BIN3: variants seen among roughly 807,000 people sequenced by gnomAD.
BIN3 encodes the protein bridging integrator 3.
Under a neutral mutation model 38.2 loss-of-function variants are expected in BIN3, and 41 were observed. The ratio of observed to expected loss-of-function variants is 1.07; its 90% confidence interval spans 0.84 to 1.39. The LOEUF is 1.39. Among genes scored for constraint, BIN3 ranks in the 40% most tolerant of loss-of-function variants. The pLI is 0.00. For missense variants in BIN3, 361 were observed against 324.3 expected (o/e 1.11, Z -0.87); for synonymous variants, 145 against 122.6 (o/e 1.18, Z -1.21).
intron 1 of BIN3, among the ~76,000 whole-genome samples, chr8:22,663,956 C>A (rs989936584): frequency 6.6e-6 from 1 of 152,338 alleles, no homozygotes. Flanking sequence ...CATACACCGG[C>A]TGAAGATAGA....
chr8:22,644,734 C>A (rs769023708), intron 2 of BIN3, 21 bp downstream of exon 2: 25 of 1,608,640 alleles, frequency 1.6e-5, no homozygotes, highest in Non-Finnish European at 2.1e-5. Flanking sequence ...AATCTCACAG[C>A]AAAACAATCG....
chr8:22,652,941 G>A (rs1802948844), intron 1 of BIN3, among the ~76,000 whole-genome samples: 1 of 152,132 alleles, frequency 6.6e-6, no homozygotes, highest in Admixed American at 6.5e-5. Context: ...CCTCTGGTAT[G>A]GTTGTTCGAA....
chr8:22,660,887 T>C (rs1166650664), intron 1 of BIN3, among the ~76,000 whole-genome samples: 2 of 152,162 alleles, frequency 1.3e-5, no homozygotes, highest in Middle Eastern at 3.2e-3. Context: ...TCTTTTCTTT[T>C]TTAACTTAGT....
intron 2 of BIN3, among the ~76,000 whole-genome samples, chr8:22,639,777 G>A (rs1802481923): frequency 6.6e-6 from 1 of 152,218 alleles, no homozygotes; most frequent in Admixed American, 6.5e-5. Context: ...GAAACTAGCA[G>A]CCAGGGAAAC....
intron 2 of BIN3, among the ~76,000 whole-genome samples, chr8:22,640,182 CTTCT>C (rs1299187197): frequency 5.9e-5 from 9 of 151,366 alleles, no homozygotes; most frequent in African/African-American, 1.9e-4. Context: ...CATCCTTCTT[CTTCT>C]TTTTTTTTTG....
rs892373689 is a variant in BIN3 at position 22,636,963 on chromosome 8, C to T, written c.58-1G>A. On this transcript the variant is annotated splice_acceptor_variant, in intron 2 of 8. Transcript: ENST00000276416. LOFTEE classifies it high-confidence loss of function. The stretch of plus-strand genomic sequence containing the variant: ...ACTCCCTTTCAAAGTCTCTCTCCAC[C>T]TGAAACGAGAGAGATAACTCAATTA... 9.3e-6 allele frequency: 15 copies of T among 1,612,566 alleles called. No homozygotes were observed. The highest frequency in any genetic ancestry group is 8.0e-5 in the African/African-American group (6 of 74,902).
At chr8:22,659,946 T>G (rs1464697370) in intron 1 of BIN3, among the ~76,000 whole-genome samples, 5 of 152,222 alleles carry the variant, frequency 3.3e-5, no homozygotes. Flanking sequence ...AAGGGGTGAC[T>G]TGTAAGAAGT....
At chr8:22,625,124 G>T (rs1239308265) in intron 6 of BIN3, 6 of 556,588 alleles carry the variant, frequency 1.1e-5, no homozygotes, top group African/African-American at 1.9e-5. Context: ...GGGACCGCGT[G>T]GGAGACTCAG....
chr8:22,651,805 G>C (rs1234415905), intron 1 of BIN3, among the ~76,000 whole-genome samples: 1 of 152,160 alleles, frequency 6.6e-6, no homozygotes, highest in African/African-American at 2.4e-5. Flanking sequence ...ACTGTGGTGG[G>C]TACTCACAGG....
chr8:22,627,939 A>C (rs909593581), intron 6 of BIN3, among the ~76,000 whole-genome samples: 2 of 152,246 alleles, frequency 1.3e-5, no homozygotes, highest in Non-Finnish European at 2.9e-5. Flanking sequence ...TCCTCAAAGA[A>C]GGGGGCCGGG....
At chr8:22,635,600 T>G (rs1267451220) in intron 4 of BIN3, among the ~76,000 whole-genome samples, 1 of 151,894 alleles carries the variant, frequency 6.6e-6, no homozygotes, top group Non-Finnish European at 1.5e-5. Flanking sequence ...GGCCCTGTTC[T>G]CAGTGCTTTA....
intron 1 of BIN3, among the ~76,000 whole-genome samples, chr8:22,652,449 T>C (rs529098515): frequency 9.8e-5 from 15 of 152,344 alleles, no homozygotes; most frequent in African/African-American, 2.6e-4. Flanking sequence ...CCTTCTGCCA[T>C]TCTGGGAACT....
intron 1 of BIN3, among the ~76,000 whole-genome samples, chr8:22,658,717 T>C (rs1056124490): frequency 7.9e-5 from 12 of 151,806 alleles, no homozygotes; most frequent in South Asian, 6.2e-4. Context: ...AACCCTGGAG[T>C]GATTCAGTCT....
At chr8:22,639,233 ATTTT>A (rs112169422) in intron 2 of BIN3, among the ~76,000 whole-genome samples, 1 of 141,280 alleles carries the variant, frequency 7.1e-6, no homozygotes, top group Non-Finnish European at 1.6e-5. Context: ...AGTACTAAGC[ATTTT>A]TTTTTTTTTT....
At chr8:22,665,115 A>T (rs1803373489) in intron 1 of BIN3, among the ~76,000 whole-genome samples, 1 of 152,160 alleles carries the variant, frequency 6.6e-6, no homozygotes, top group Non-Finnish European at 1.5e-5. Context: ...AGCACTATGG[A>T]AGTACAGAAG....
intron 4 of BIN3, among the ~76,000 whole-genome samples, chr8:22,634,985 A>G (rs895760592): frequency 6.6e-6 from 1 of 152,208 alleles, no homozygotes; most frequent in Non-Finnish European, 1.5e-5. Context: ...CTTCACAGCC[A>G]TAACATGGCA....
intron 6 of BIN3, chr8:22,625,265 T>C (rs1336534624): frequency 1.4e-6 from 1 of 700,318 alleles, no homozygotes; most frequent in East Asian, 2.7e-5. Context: ...CTGCTGCTGC[T>C]GGAGGGCTGG....
intron 2 of BIN3, among the ~76,000 whole-genome samples, chr8:22,642,384 A>G (rs964511204): frequency 6.6e-6 from 1 of 152,066 alleles, no homozygotes; most frequent in Non-Finnish European, 1.5e-5. Flanking sequence ...GGGTCTTACT[A>G]CTTCTACTTC....
At position 22,620,788 on chromosome 8, in the gene BIN3, CTT is replaced by C. The variant is rs1219270220; in HGVS notation, c.*632_*633del. The C allele has an allele frequency of 6.6e-6, 1 of 152,282 alleles. No individual in the cohort carries two copies. Among genetic ancestry groups the C allele is most frequent in the Non-Finnish European group, 1.5e-5 (1 of 68,066 alleles). 9.4% of individuals were successfully genotyped at this position (152,282 alleles called of 1,614,324 possible). On this transcript the variant is annotated 3_prime_UTR_variant, in exon 9 of 9. Coordinates refer to ENST00000276416, the MANE Select transcript of BIN3 (RefSeq NM_018688.6). ...GTGAGACACAAACCCACTGTTCCTG[CTT>C]TGAGACCTGTGAATTCTTGTGGGAC...
Sources: allele counts gnomAD v4.1 joint callset (sites outside exome capture counted in the v4.1 genomes callset), GRCh38; gene constraint gnomAD v4.1.1; transcripts MANE v1.5; gene names NCBI Gene and HGNC (gene_info 2026-07-23, HGNC 2026-07-21).